The following PLXNA1 variants were observed in gnomAD, a reference collection of about 807,000 sequenced individuals.
PLXNA1 encodes the protein plexin-A1.
PLXNA1 carries 77 observed loss-of-function variants against 191.7 expected under a neutral mutation model. That is an observed-to-expected ratio of 0.40 (90% CI 0.33 to 0.49). The LOEUF (loss-of-function observed/expected upper bound fraction) is 0.49, where lower values mean the gene tolerates loss of function less well. Ranked by LOEUF, PLXNA1 falls within the 20% of genes least tolerant of loss-of-function variation. The probability of loss-of-function intolerance (pLI) is 0.63; values close to 1 mark genes in which losing one functional copy is unlikely to be tolerated. For missense variants in PLXNA1, 2,110 were observed against 2,660.2 expected, an observed-to-expected ratio of 0.79 and a Z score of 4.55; for synonymous variants, 1,137 against 1,156.4, an observed-to-expected ratio of 0.98 and a Z score of 0.34.
Position 126,999,018 on chromosome 3 carries a change from A to G in PLXNA1, c.1378-4312A>G, listed in dbSNP as rs181665231. 8.3e-3 allele frequency among the ~76,000 whole-genome samples: 1,261 copies of G among 152,322 alleles called. 13 individuals carry two copies. The highest frequency in any genetic ancestry group is 0.011 in the Non-Finnish European group (767 of 68,024). ...GCCTTTCTGAGAGTGGTGGGGACCCAGGAAGGAGGCCTAGAACCTGTCCAC... is the reference window on the plus strand; with the variant it reads ...GCCTTTCTGAGAGTGGTGGGGACCCGGGAAGGAGGCCTAGAACCTGTCCAC... On this transcript the variant is annotated intron_variant, in intron 3 of 31. Coordinates refer to ENST00000393409, the MANE Select transcript of PLXNA1 (RefSeq NM_032242.4).
chr3:127,011,484 G>A (rs990871062), intron 9 of PLXNA1, among the ~76,000 whole-genome samples: 4 of 152,222 alleles, frequency 2.6e-5, no homozygotes, highest in African/African-American at 9.6e-5. Flanking sequence ...TTCCCGAGGG[G>A]CCATCTCCTG....
intron 31 of PLXNA1, among the ~76,000 whole-genome samples, chr3:127,033,044 T>A (rs2079220490): frequency 6.6e-6 from 1 of 152,148 alleles, no homozygotes; most frequent in Non-Finnish European, 1.5e-5. Context: ...GTGGAGTCAC[T>A]GTGTGCAGCC....
chr3:127,017,509 G>T lies in PLXNA1; in HGVS notation c.3361G>T (p.Glu1121Ter). Residue 1121 changes from glutamate (E) to a stop codon, truncating the protein, a stop_gained, in exon 18 of 32, where the codon GAG becomes TAG. Coordinates refer to ENST00000393409, the MANE Select transcript of PLXNA1 (RefSeq NM_032242.4). LOFTEE classifies it high-confidence loss of function. ...NPVRSPPELG[E>*]RPDELGFVMD... is the part of the protein sequence containing the mutation. ...TGTGCGCAGCCCACCAGAGCTGGGGGAGCGGCCGGATGAGCTGGGCTTCGT... is the reference window on the plus strand; with the variant it reads ...TGTGCGCAGCCCACCAGAGCTGGGGTAGCGGCCGGATGAGCTGGGCTTCGT... 6.2e-7 allele frequency: 1 copy of T among 1,613,652 alleles called. No homozygotes were observed. The highest frequency in any genetic ancestry group is 8.5e-7 in the Non-Finnish European group (1 of 1,180,010).
rs115381867 is a variant in PLXNA1, at chr3:126,999,569, G to A, written c.1378-3761G>A. Among the ~76,000 whole-genome samples, 1,028 of 152,306 alleles carry A rather than the reference G, an allele frequency of 6.7e-3. 7 individuals carry two copies. The highest frequency in any genetic ancestry group is 0.011 in the Non-Finnish European group (758 of 68,000). ...GCCTGGGTGGCCCAGACATCCTCCC[G>A]GCACCCCCGCCTGCCCTCAGCCCGG... On this transcript the variant is annotated intron_variant, in intron 3 of 31. Transcript: ENST00000393409.
intron 29 of PLXNA1, among the ~76,000 whole-genome samples, chr3:127,031,369 C>T (rs1318274287): frequency 6.6e-6 from 1 of 152,190 alleles, no homozygotes; most frequent in Non-Finnish European, 1.5e-5. Flanking sequence ...CCTGCATGGC[C>T]GAGGGCTTCT....
chr3:126,986,111 A>G (rs1204205226), intron 1 of PLXNA1, among the ~76,000 whole-genome samples: 1 of 152,244 alleles, frequency 6.6e-6, no homozygotes, highest in African/African-American at 2.4e-5. Flanking sequence ...TAAGACGTGT[A>G]TAATTATCCC....
In PLXNA1 at chr3:127,032,737, T is replaced by C; in HGVS notation, c.5496T>C (p.Ser1832=). The C allele has an allele frequency of 1.9e-6, 3 of 1,613,236 alleles. No individual in the cohort carries two copies. Among genetic ancestry groups the C allele is most frequent in the Non-Finnish European group, 2.5e-6 (3 of 1,179,966 alleles). The change falls in exon 31 of 32, where the codon AGT becomes AGC. Residue 1832 remains serine, a synonymous_variant. Coordinates refer to ENST00000393409, the MANE Select transcript of PLXNA1 (RefSeq NM_032242.4). The stretch of plus-strand genomic sequence containing the variant: ...CAGCCATCAGCGACCAGGACATGAG[T>C]GCGTATCTGGCTGAGCAGTCCCGCC... ...KMPAISDQDM[S]AYLAEQSRLH... is the part of the protein sequence containing the mutation.
intron 1 of PLXNA1, among the ~76,000 whole-genome samples, chr3:126,986,781 G>A (rs2078961409): frequency 6.6e-6 from 1 of 152,204 alleles, no homozygotes; most frequent in Admixed American, 6.5e-5. Context: ...GGGCACAGAG[G>A]CCTGGGGGAG....
At chr3:127,021,788 G>T (rs1335145761) in intron 21 of PLXNA1, among the ~76,000 whole-genome samples, 1 of 152,198 alleles carries the variant, frequency 6.6e-6, no homozygotes, top group African/African-American at 2.4e-5. Flanking sequence ...TAACACCTTT[G>T]TCATGTCGGC....
intron 21 of PLXNA1, among the ~76,000 whole-genome samples, chr3:127,021,111 T>C (rs1459626215): frequency 6.6e-6 from 1 of 152,124 alleles, no homozygotes; most frequent in African/African-American, 2.4e-5. Context: ...CCCATGTCCC[T>C]TGTGGTGACT....
intron 3 of PLXNA1, among the ~76,000 whole-genome samples, chr3:126,998,630 C>T (rs781631161): frequency 1.3e-5 from 2 of 152,244 alleles, no homozygotes; most frequent in Non-Finnish European, 2.9e-5. Context: ...GGGCCAAGCA[C>T]TTCCCCTTTG....
chr3:126,992,118 CA>C (rs1252498305), intron 3 of PLXNA1, among the ~76,000 whole-genome samples: 2 of 152,174 alleles, frequency 1.3e-5, no homozygotes, highest in African/African-American at 4.8e-5. Flanking sequence ...CCCACGGTGG[CA>C]GGGGGAGGGC....
intron 10 of PLXNA1, 58 bp from the exon 11 acceptor site, chr3:127,013,962 G>A: frequency 2.0e-6 from 3 of 1,514,360 alleles, no homozygotes; most frequent in South Asian, 1.1e-5. Flanking sequence ...TGGGCGTGAG[G>A]CTTGGGAGGC....
In PLXNA1 at chr3:127,029,109, C is replaced by A; in HGVS notation, c.4773+13C>A. The A allele has an allele frequency of 6.2e-7, 1 of 1,604,770 alleles. No homozygotes were observed. Among genetic ancestry groups the A allele is most frequent in the Non-Finnish European group, 8.5e-7 (1 of 1,172,222 alleles). On this transcript the variant is annotated intron_variant, in intron 26 of 31. Coordinates refer to ENST00000393409, the MANE Select transcript of PLXNA1 (RefSeq NM_032242.4). ...GGCTCACTACCAGGTGGCTCCCGGC[C>A]CTCCGACCCTAGCACAGGCCTCCCT...
At position 127,017,867 on chromosome 3, in the gene PLXNA1, A is replaced by G. The variant is rs376159729; in HGVS notation, c.3635A>G (p.Asn1212Ser). The change falls in exon 19 of 32, where the codon AAC becomes AGC. Residue 1212 changes from asparagine (N) to serine (S), a missense_variant. This residue lies in a region of PLXNA1 where 644 missense variants were observed against 714.3 expected (regional missense o/e 0.90). Coordinates refer to ENST00000393409, the MANE Select transcript of PLXNA1 (RefSeq NM_032242.4). Reference sequence around the variant, plus strand: ...ACGCAACTGCTGTGCGAGGCGCCCAACCTCACTGGGCAGCACAAGGTCACG... The same window carrying G: ...ACGCAACTGCTGTGCGAGGCGCCCAGCCTCACTGGGCAGCACAAGGTCACG... ...SETQLLCEAPNLTGQHKVTVR... is the reference protein window; with the variant it reads ...SETQLLCEAPSLTGQHKVTVR... 16 of 1,612,130 alleles carry G rather than the reference A, an allele frequency of 9.9e-6. No individual in the cohort carries two copies. Among genetic ancestry groups the G allele is most frequent in the African/African-American group, 1.3e-5 (1 of 74,732 alleles).
chr3:126,991,610 G>C, intron 3 of PLXNA1, 44 bp downstream of exon 3: 3 of 1,514,564 alleles, frequency 2.0e-6, no homozygotes, highest in Non-Finnish European at 2.7e-6. Flanking sequence ...CTTGGGGCAG[G>C]AACAAAGGCT....
At chr3:127,028,852 T>G in intron 25 of PLXNA1, 141 bp from the exon 26 acceptor site, 1 of 630,388 alleles carries the variant, frequency 1.6e-6, no homozygotes, top group Non-Finnish European at 2.8e-6. Context: ...AGGTTAAGTG[T>G]GCTGCAGCAG....
At chr3:126,998,305 G>GT (rs1318064516) in intron 3 of PLXNA1, among the ~76,000 whole-genome samples, 2 of 152,194 alleles carry the variant, frequency 1.3e-5, no homozygotes, top group East Asian at 3.9e-4. Flanking sequence ...GGGCCATGGG[G>GT]TGGCACTAGG....
At chr3:127,029,357 C>G (rs1006432100) in intron 26 of PLXNA1, 83 bp from the exon 27 acceptor site, 4 of 1,324,894 alleles carry the variant, frequency 3.0e-6, no homozygotes, top group Admixed American at 3.4e-5. Flanking sequence ...AGGGTGTCAC[C>G]GGGGTCCCCA....
Sources: allele counts gnomAD v4.1 joint callset (sites outside exome capture counted in the v4.1 genomes callset), GRCh38; gene constraint gnomAD v4.1.1; regional missense constraint gnomAD v4.1.1; transcripts MANE v1.5; gene names NCBI Gene and HGNC (gene_info 2026-07-23, HGNC 2026-07-21).